The following CARD8 variants were observed in gnomAD, a reference collection of about 807,000 sequenced individuals.
CARD8 encodes caspase recruitment domain-containing protein 8.
In CARD8, 38 loss-of-function variants were observed where a neutral mutation model predicts 53.2. That is an observed-to-expected ratio of 0.71 (90% CI 0.55 to 0.94). CARD8 has a LOEUF of 0.94. CARD8 is among the 40% of genes least tolerant of loss of function. The pLI is 0.00. For missense variants in CARD8, 561 were observed against 655.5 expected (o/e 0.86, Z 1.57); for synonymous variants, 245 against 244.9 (o/e 1.00, Z 0.00).
rs1001165673 is a variant in CARD8, at chr19:48,237,377, C to T, written c.209+1006G>A. On this transcript the variant is annotated intron_variant, in intron 5 of 13. Coordinates refer to ENST00000651546, the MANE Select transcript of CARD8 (RefSeq NM_001184900.3). ...TTATCACCAAAGGAATGGTGCTAAA[C>T]CATTTATGAGGGATATGCCCCCTTG... Among the ~76,000 whole-genome samples the T allele has an allele frequency of 3.3e-5, 5 of 152,128 alleles. No individual in the cohort carries two copies. The South Asian group carries it at 6.2e-4, about 19-fold the overall frequency.
At chr19:48,233,990 T>C (rs998724014) in intron 6 of CARD8, 1 of 163,344 alleles carries the variant, frequency 6.1e-6, no homozygotes, top group Non-Finnish European at 1.3e-5. Context: ...TCTGCCATGA[T>C]GGGGATATTC....
intron 6 of CARD8, 36 bp downstream of exon 6, chr19:48,234,367 C>A (rs776120131): frequency 2.5e-6 from 4 of 1,578,860 alleles, no homozygotes; most frequent in Non-Finnish European, 1.7e-6. Flanking sequence ...TGAGACACAG[C>A]GTCCAATAGT....
chr19:48,252,346 C>T (rs1241376679), intron 1 of CARD8, among the ~76,000 whole-genome samples: 1 of 151,990 alleles, frequency 6.6e-6, no homozygotes, highest in African/African-American at 2.4e-5. Context: ...ATCTTAATAA[C>T]TTTCACATTG....
At chr19:48,246,429 G>A (rs577416422) in intron 3 of CARD8, among the ~76,000 whole-genome samples, 3 of 152,242 alleles carry the variant, frequency 2.0e-5, no homozygotes, top group Admixed American at 1.3e-4. Flanking sequence ...GAAACTATGT[G>A]TGTTTACAGC....
At chr19:48,223,938 T>C (rs2041219507) in intron 10 of CARD8, 1 of 451,186 alleles carries the variant, frequency 2.2e-6, no homozygotes, top group East Asian at 7.0e-5. Context: ...ACAGTACTGT[T>C]GAATAGAAAT....
Position 48,210,463 on chromosome 19 carries a change from T to C in CARD8, c.*1247A>G, listed in dbSNP as rs2037795716. ...ACAGATTACTCTTCTCATGAGTTTT[T>C]TAAATCTTCTGAGTGATTAAAAGTA... is the stretch of plus-strand genomic sequence containing the variant. On this transcript the variant is annotated 3_prime_UTR_variant, in exon 14 of 14. Coordinates refer to ENST00000651546, the MANE Select transcript of CARD8 (RefSeq NM_001184900.3). 6.6e-6 allele frequency: 1 copy of C among 152,180 alleles called. No homozygotes were observed. The highest frequency in any genetic ancestry group is 1.5e-5 in the Non-Finnish European group (1 of 68,020). 9.4% of individuals were successfully genotyped at this position (152,180 alleles called of 1,614,324 possible). A position where few individuals can be genotyped will look rare whatever the true frequency, so the allele number is the denominator to read the frequency against.
Position 48,234,408 on chromosome 19 carries a change from A to T in CARD8, c.345T>A (p.Ile115=). The part of the protein sequence containing the change: ...VPECQLSGGD[I]PSVSEEQESS... ...AACGGAATAGCTTTTCTTACCTGGGAATGTCCCCCCCAGATAGTTGACACT... is the reference window on the plus strand; with the variant it reads ...AACGGAATAGCTTTTCTTACCTGGGTATGTCCCCCCCAGATAGTTGACACT... The change falls in exon 6 of 14, where the codon ATT becomes ATA. Residue 115 remains isoleucine, a synonymous_variant. Transcript: ENST00000651546. 1 of 1,609,162 alleles carries T rather than the reference A, an allele frequency of 6.2e-7. No homozygotes were observed. Among genetic ancestry groups the T allele is most frequent in the Non-Finnish European group, 8.5e-7 (1 of 1,178,210 alleles).
In CARD8 at chr19:48,230,789, T is replaced by C. The variant is rs370242064; in HGVS notation, c.760A>G (p.Ile254Val). Reference protein sequence around the residue: ...AVAEIHLPHFISLQAGEVDVS... With the variant: ...AVAEIHLPHFVSLQAGEVDVS... ...CACCCCACATTACCTTGGAGGGAGA[T>C]GAAGTGGGGGAGGTGGATTTCGGCG... The change falls in exon 9 of 14, where the codon ATC (isoleucine) becomes GTC (valine). Residue 254 changes from isoleucine (I) to valine (V), a missense_variant. Coordinates refer to ENST00000651546, the MANE Select transcript of CARD8 (RefSeq NM_001184900.3). 3 of 1,613,650 alleles carry C rather than the reference T, an allele frequency of 1.9e-6. No individual in the cohort carries two copies. The highest frequency in any genetic ancestry group is 1.3e-5 in the African/African-American group (1 of 74,830).
rs561328700 is a variant in CARD8, at chr19:48,225,092, G to A, written c.1036-3237C>T. Among the ~76,000 whole-genome samples, 3 of 151,836 alleles carry A rather than the reference G, an allele frequency of 2.0e-5. No homozygotes were observed. The South Asian group carries it at 6.3e-4, about 32-fold the overall frequency. On this transcript the variant is annotated intron_variant, in intron 10 of 13. Coordinates refer to ENST00000651546, the MANE Select transcript of CARD8 (RefSeq NM_001184900.3). The stretch of plus-strand genomic sequence containing the variant: ...AACTAATTTATGATTAAACAGAAAT[G>A]GTCCTGCCCATGATATAGAGTACAC...
chr19:48,217,069 T>C (rs1037850988), intron 12 of CARD8, among the ~76,000 whole-genome samples: 5 of 151,920 alleles, frequency 3.3e-5, no homozygotes, highest in African/African-American at 9.7e-5. Context: ...CAGTTCACAA[T>C]AGGGTTCGCG....
intron 3 of CARD8, among the ~76,000 whole-genome samples, chr19:48,246,785 T>G (rs1568930686): frequency 6.6e-6 from 1 of 152,190 alleles, no homozygotes; most frequent in African/African-American, 2.4e-5. Flanking sequence ...TTGGAAATCA[T>G]GCGAAAGTCT....
At chr19:48,206,474 G>C, downstream of CARD8, 1 of 461,288 alleles carries the variant, frequency 2.2e-6, no homozygotes, top group Non-Finnish European at 4.4e-6. Context: ...AGCAGGTGCA[G>C]CCAGTTCTAG....
intron 13 of CARD8, chr19:48,215,035 C>T (rs749637269): frequency 2.9e-4 from 60 of 210,348 alleles, no homozygotes; most frequent in Non-Finnish European, 5.5e-4. Flanking sequence ...AGCAATCCAC[C>T]TGCCTCGGCC....
chr19:48,228,043 G>A (rs907629038), intron 10 of CARD8, among the ~76,000 whole-genome samples: 1 of 152,202 alleles, frequency 6.6e-6, no homozygotes, highest in Non-Finnish European at 1.5e-5. Flanking sequence ...CAGATCAGCA[G>A]TGGCATCAGA....
At position 48,230,887 on chromosome 19, in the gene CARD8, T is replaced by G. The variant is rs1352297018; in HGVS notation, c.662A>C (p.Asp221Ala). Reference sequence around the variant, plus strand: ...CAGCCACTGTTCATGGTGCTGCAGGTCCAGGGCCAGGTGCTGACTCCAGGA... The same window carrying G: ...CAGCCACTGTTCATGGTGCTGCAGGGCCAGGGCCAGGTGCTGACTCCAGGA... ...FGSWSQHLAL[D>A]LQHHEQWLVG... The change falls in exon 9 of 14, where the codon GAC (aspartate) becomes GCC (alanine). Residue 221 changes from aspartate (D) to alanine (A), a missense_variant. Asp to Ala is a moderately radical substitution (Grantham distance 126). Transcript: ENST00000651546. 6.2e-7 allele frequency: 1 copy of G among 1,613,968 alleles called. No homozygotes were observed. Among genetic ancestry groups the G allele is most frequent in the African/African-American group, 1.3e-5 (1 of 74,892 alleles).
chr19:48,225,615 A>G (rs2041613213), intron 10 of CARD8, among the ~76,000 whole-genome samples: 2 of 152,202 alleles, frequency 1.3e-5, no homozygotes, highest in African/African-American at 2.4e-5. Context: ...CAGTCTTGCA[A>G]GGGAAACACA....
rs1432844129 is a variant in CARD8, at chr19:48,234,432, C to T, written c.321G>A (p.Glu107=). ...AEPLLFRAVP[E]CQLSGGDIPS... The stretch of plus-strand genomic sequence containing the variant: ...GAATGTCCCCCCCAGATAGTTGACA[C>T]TCAGGAACAGCACGGAACAATAATG... The change falls in exon 6 of 14, where the codon GAG becomes GAA. Residue 107 remains glutamate (E), a synonymous_variant. Coordinates refer to ENST00000651546, the MANE Select transcript of CARD8 (RefSeq NM_001184900.3). 1.9e-6 allele frequency: 3 copies of T among 1,613,192 alleles called. No homozygotes were observed. The highest frequency in any genetic ancestry group is 2.2e-5 in the East Asian group (1 of 44,826).
chr19:48,251,228 T>G (rs150277711), intron 1 of CARD8, among the ~76,000 whole-genome samples: 5 of 152,334 alleles, frequency 3.3e-5, no homozygotes, highest in East Asian at 1.9e-4. Flanking sequence ...ATCATAAAAT[T>G]TAAGTTACAC....
downstream of CARD8, chr19:48,204,178 C>G (rs1299437300): frequency 2.2e-6 from 1 of 455,902 alleles, no homozygotes. Flanking sequence ...CTGCTTCGGT[C>G]TCCATGGTTA....
Sources: allele counts gnomAD v4.1 joint callset (sites outside exome capture counted in the v4.1 genomes callset), GRCh38; gene constraint gnomAD v4.1.1; transcripts MANE v1.5; gene names NCBI Gene and HGNC (gene_info 2026-07-23, HGNC 2026-07-21).